DCLK1: variants seen among roughly 807,000 people sequenced by gnomAD.
DCLK1 encodes the protein serine/threonine-protein kinase DCLK1.
DCLK1 carries 16 observed loss-of-function variants against 86.2 expected under a neutral mutation model. The observed-to-expected ratio is 0.19, with a 90% CI of 0.13 to 0.28. The LOEUF is 0.28. Ranked by LOEUF, DCLK1 falls within the 10% of genes least tolerant of loss-of-function variation. The pLI is 1.00. For missense variants in DCLK1, 590 were observed against 940.2 expected, an observed-to-expected ratio of 0.63 and a Z score of 4.87; for synonymous variants, 369 against 370.5, an observed-to-expected ratio of 1.00 and a Z score of 0.05.
At chr13:35,849,135 T>C (rs113626774) in intron 6 of DCLK1, 297 of 985,348 alleles carry the variant, frequency 3.0e-4, no homozygotes, top group Non-Finnish European at 3.4e-4. Flanking sequence ...CAAATGCTGT[T>C]AGATTGCCTG....
At chr13:35,828,003 C>T (rs1868625312) in intron 9 of DCLK1, among the ~76,000 whole-genome samples, 1 of 152,068 alleles carries the variant, frequency 6.6e-6, no homozygotes, top group African/African-American at 2.4e-5. Flanking sequence ...TGGGATGAAA[C>T]TTAGATCACA....
Position 35,790,109 on chromosome 13 carries a change from G to A in DCLK1, c.2058+3257C>T, listed in dbSNP as rs2086687183. Among the ~76,000 whole-genome samples the A allele has an allele frequency of 2.6e-5, 4 of 152,058 alleles. No individual in the cohort carries two copies. The East Asian group carries it at 7.7e-4, about 29-fold the overall frequency. The stretch of plus-strand genomic sequence containing the variant: ...CCTAGCCAACTCGAGGCCCTCTTGC[G>A]ACCTTAATATAAAGTTGTCATTTGT... On this transcript the variant is annotated intron_variant, in intron 16 of 16. Transcript: ENST00000360631.
At chr13:35,872,738 A>C (rs1872356980) in intron 4 of DCLK1, among the ~76,000 whole-genome samples, 1 of 146,408 alleles carries the variant, frequency 6.8e-6, no homozygotes, top group Non-Finnish European at 1.5e-5. Flanking sequence ...CAATATCACT[A>C]CCTTTGTGAT....
chr13:36,002,464 G>A (rs1332056884), intron 3 of DCLK1, among the ~76,000 whole-genome samples: 3 of 152,104 alleles, frequency 2.0e-5, no homozygotes, highest in African/African-American at 7.2e-5. Flanking sequence ...AGATTTTCTT[G>A]GAGGAATGGC....
intron 4 of DCLK1, among the ~76,000 whole-genome samples, chr13:35,887,056 G>A (rs751786575): frequency 6.6e-6 from 1 of 152,224 alleles, no homozygotes; most frequent in Non-Finnish European, 1.5e-5. Context: ...CAACTGGAAA[G>A]ACGAAATAGT....
At chr13:35,811,189 T>G (rs2087133932) in intron 11 of DCLK1, among the ~76,000 whole-genome samples, 1 of 152,212 alleles carries the variant, frequency 6.6e-6, no homozygotes, top group Non-Finnish European at 1.5e-5. Context: ...ATTGATTAAA[T>G]AAATTATAGT....
At chr13:36,063,179 C>T (rs1170888157) in intron 3 of DCLK1, among the ~76,000 whole-genome samples, 1 of 152,148 alleles carries the variant, frequency 6.6e-6, no homozygotes, top group African/African-American at 2.4e-5. Context: ...TAACTTTTAG[C>T]AGAAATCTCC....
At chr13:35,889,840 A>C (rs979612931) in intron 4 of DCLK1, among the ~76,000 whole-genome samples, 1 of 152,176 alleles carries the variant, frequency 6.6e-6, no homozygotes, top group Non-Finnish European at 1.5e-5. Context: ...CTAACAGACT[A>C]TCATAGCCAT....
Position 35,902,190 on chromosome 13 carries a change from C to T in DCLK1, c.824-30850G>A, listed in dbSNP as rs563525683. On this transcript the variant is annotated intron_variant, in intron 4 of 16. Coordinates refer to ENST00000360631, the MANE Select transcript of DCLK1 (RefSeq NM_001330071.2). ...GGAAACTAAAGCCGAGTAAGGTTAA[C>T]TGACTTGCCCACAGTTAAAGGGTTG... Among the ~76,000 whole-genome samples, 5 of 152,330 alleles carry T rather than the reference C, an allele frequency of 3.3e-5. 1 individual carries two copies. The highest frequency in any genetic ancestry group is 1.2e-4 in the African/African-American group (5 of 41,572).
chr13:36,020,387 CA>C (rs1368354103), intron 3 of DCLK1, among the ~76,000 whole-genome samples: 2 of 151,992 alleles, frequency 1.3e-5, no homozygotes, highest in East Asian at 3.9e-4. Flanking sequence ...AAAACAATGG[CA>C]AAAAGTTATC....
intron 3 of DCLK1, among the ~76,000 whole-genome samples, chr13:35,957,205 T>C (rs896509520): frequency 1.3e-5 from 2 of 152,120 alleles, no homozygotes; most frequent in Non-Finnish European, 2.9e-5. Flanking sequence ...TTTACAGGAA[T>C]CTTGGCATGC....
intron 6 of DCLK1, chr13:35,847,930 G>A (rs1256521343): frequency 1.6e-5 from 16 of 985,126 alleles, no homozygotes; most frequent in Non-Finnish European, 1.9e-5. Context: ...AACACACCAT[G>A]TGGCTTTCAG....
At chr13:35,821,676 A>G (rs1028457417) in intron 11 of DCLK1, among the ~76,000 whole-genome samples, 9 of 146,380 alleles carry the variant, frequency 6.1e-5, no homozygotes, top group East Asian at 6.0e-4. Context: ...ATATATGTAT[A>G]TATATATATA....
intron 3 of DCLK1, among the ~76,000 whole-genome samples, chr13:36,083,559 G>A (rs573518395): frequency 6.6e-6 from 1 of 152,258 alleles, no homozygotes; most frequent in East Asian, 1.9e-4. Flanking sequence ...TTACAAATGT[G>A]ACTCAAAAAG....
intron 4 of DCLK1, among the ~76,000 whole-genome samples, chr13:35,908,123 A>G (rs1020760871): frequency 6.6e-6 from 1 of 151,880 alleles, no homozygotes. Context: ...TTGGGGTACA[A>G]TTTGTTTCTC....
chr13:35,914,373 A>ATG (rs1566600362), intron 4 of DCLK1, among the ~76,000 whole-genome samples: 369 of 36,694 alleles, frequency 0.01, 3 homozygotes, highest in African/African-American at 0.044. Context: ...ATATATGTAT[A>ATG]TATATATATA....
chr13:35,869,682 G>A (rs1872132419), intron 5 of DCLK1, among the ~76,000 whole-genome samples: 1 of 152,210 alleles, frequency 6.6e-6, no homozygotes, highest in East Asian at 1.9e-4. Context: ...ATCAGCTGGA[G>A]GGCTTGGGAA....
At chr13:35,826,539 A>AGGAAGG (rs776444323) in intron 10 of DCLK1, among the ~76,000 whole-genome samples, 2 of 45,246 alleles carry the variant, frequency 4.4e-5, no homozygotes, top group African/African-American at 1.1e-4. Flanking sequence ...AAAAAAAAAA[A>AGGAAGG]AAAGAAAGAA....
chr13:36,081,144 T>C (rs555752787), intron 3 of DCLK1, among the ~76,000 whole-genome samples: 2 of 152,210 alleles, frequency 1.3e-5, no homozygotes, highest in Non-Finnish European at 2.9e-5. Flanking sequence ...ATAACATTAA[T>C]TAAATGGTTA....
Sources: gnomAD v4.1 joint callset for allele counts (sites outside exome capture counted in the v4.1 genomes callset) on GRCh38, gnomAD v4.1.1 for gene constraint, MANE v1.5 for transcripts, NCBI Gene and HGNC (gene_info 2026-07-23, HGNC 2026-07-21) for gene names.